The following THRB variants were observed in gnomAD, a reference collection of about 807,000 sequenced individuals.
The protein encoded by THRB is nuclear receptor subfamily 1 group A member 2.
In THRB, 12 loss-of-function variants were observed where a neutral mutation model predicts 47.8. The ratio of observed to expected loss-of-function variants is 0.25; its 90% confidence interval spans 0.16 to 0.41. The LOEUF (loss-of-function observed/expected upper bound fraction) is 0.41. Among genes scored for constraint, THRB ranks in the 10% least tolerant of loss-of-function variants. The probability of loss-of-function intolerance (pLI) is 1.00; values close to 1 mark genes in which losing one functional copy is unlikely to be tolerated. For synonymous variants in THRB, 218 were observed against 212.2 expected (o/e 1.03, Z -0.24); for missense variants, 348 against 589.2 (o/e 0.59, Z 4.24).
chr3:24,147,763 CCTT>C (rs2036294502), intron 6 of THRB, among the ~76,000 whole-genome samples: 1 of 152,308 alleles, frequency 6.6e-6, no homozygotes, highest in Non-Finnish European at 1.5e-5. Flanking sequence ...CATTCAATAT[CCTT>C]CTATCTTCCC....
At chr3:24,162,954 TA>T (rs369841587) in intron 5 of THRB, among the ~76,000 whole-genome samples, 28 of 152,298 alleles carry the variant, frequency 1.8e-4, no homozygotes, top group African/African-American at 5.8e-4. Context: ...TATAAAGCTG[TA>T]ATGACAGCCA....
At chr3:24,310,740 G>A (rs1404957057) in intron 2 of THRB, among the ~76,000 whole-genome samples, 1 of 152,070 alleles carries the variant, frequency 6.6e-6, no homozygotes, top group Non-Finnish European at 1.5e-5. Context: ...TTGGGTATGG[G>A]GTTTCTCTAT....
At chr3:24,334,091 T>C (rs2062089870) in intron 2 of THRB, among the ~76,000 whole-genome samples, 1 of 152,202 alleles carries the variant, frequency 6.6e-6, no homozygotes, top group Non-Finnish European at 1.5e-5. Flanking sequence ...ACCTGACTTT[T>C]AAAATATACA....
intron 5 of THRB, chr3:24,165,500 C>A: frequency 3.4e-6 from 2 of 589,288 alleles, no homozygotes; most frequent in South Asian, 4.3e-5. Flanking sequence ...TGAATAAACA[C>A]CACCACCAAC....
At chr3:24,383,137 G>C (rs1417818836) in intron 1 of THRB, among the ~76,000 whole-genome samples, 2 of 151,926 alleles carry the variant, frequency 1.3e-5, no homozygotes, top group African/African-American at 4.8e-5. Context: ...ATTTCCTTTT[G>C]CCAGACTATA....
chr3:24,300,799 A>C (rs1304690189), intron 2 of THRB, among the ~76,000 whole-genome samples: 1 of 152,206 alleles, frequency 6.6e-6, no homozygotes, highest in African/African-American at 2.4e-5. Flanking sequence ...ATGTCAATGA[A>C]AAAAGTTAAA....
intron 1 of THRB, among the ~76,000 whole-genome samples, chr3:24,431,261 T>TCTACACACACACAC (rs767685100): frequency 4.4e-5 from 6 of 135,794 alleles, no homozygotes; most frequent in African/African-American, 1.6e-4. Context: ...TCTCTCTCTC[T>TCTACACACACACAC]ACACACACAC....
Position 24,473,700 on chromosome 3 carries a change from T to G in THRB, c.-261+20952A>C, listed in dbSNP as rs1246877124. ...ACTTGGAACCAACCCAAATGCCCAT[T>G]AATGATAGATTGGATAAAGAAAATG... On this transcript the variant is annotated intron_variant, in intron 1 of 10. Transcript: ENST00000646209. Among the ~76,000 whole-genome samples, 3 of 151,522 alleles carry G rather than the reference T, an allele frequency of 2.0e-5. No individual in the cohort carries two copies. In the South Asian group the frequency reaches 6.2e-4, roughly 32 times the overall value.
intron 1 of THRB, among the ~76,000 whole-genome samples, chr3:24,422,168 T>C (rs769101363): frequency 6.6e-6 from 1 of 151,996 alleles, no homozygotes; most frequent in Non-Finnish European, 1.5e-5. Context: ...CTTGAGGAGC[T>C]TGGGAAAAAT....
chr3:24,399,907 A>G (rs2067263632), intron 1 of THRB, among the ~76,000 whole-genome samples: 1 of 152,118 alleles, frequency 6.6e-6, no homozygotes. Context: ...AAGGAGGGGA[A>G]GAAGGTAGGG....
intron 2 of THRB, among the ~76,000 whole-genome samples, chr3:24,299,763 A>G (rs2056769429): frequency 1.4e-5 from 1 of 73,350 alleles, no homozygotes; most frequent in South Asian, 4.7e-4. Flanking sequence ...CTGGGGAAGT[A>G]TGCTTTTTTA....
chr3:24,413,610 C>T (rs967802075), intron 1 of THRB, among the ~76,000 whole-genome samples: 1 of 151,306 alleles, frequency 6.6e-6, no homozygotes, highest in African/African-American at 2.4e-5. Context: ...GGTACGTGTA[C>T]ACAACGTGCA....
At position 24,428,782 on chromosome 3, in the gene THRB, TTTTGTAATTTTCATCAA is replaced by T. The variant is rs1434523687; in HGVS notation, c.-261+65853_-261+65869del. On this transcript the variant is annotated intron_variant, in intron 1 of 10. Transcript: ENST00000646209. ...GAGAAACAATGTCTCTCCTTGTTTC[TTTTGTAATTTTCATCAA>T]GAAGAATACTCTCCAAACTGCAAAA... 1.4e-4 allele frequency among the ~76,000 whole-genome samples: 21 copies of T among 152,086 alleles called. 1 individual carries two copies. In the South Asian group the frequency reaches 4.4e-3, roughly 32 times the overall value.
chr3:24,194,134 G>T (rs1330197344), intron 4 of THRB, among the ~76,000 whole-genome samples: 1 of 152,144 alleles, frequency 6.6e-6, no homozygotes, highest in Non-Finnish European at 1.5e-5. Context: ...AAGGGTCAGG[G>T]TGATGAGGGA....
At chr3:24,264,459 C>T (rs773519032) in intron 3 of THRB, among the ~76,000 whole-genome samples, 2 of 152,108 alleles carry the variant, frequency 1.3e-5, no homozygotes, top group African/African-American at 4.8e-5. Context: ...CAGCTTTACC[C>T]TGACACTTGG....
chr3:24,207,415 T>C (rs1314760225), intron 4 of THRB, among the ~76,000 whole-genome samples: 1 of 152,212 alleles, frequency 6.6e-6, no homozygotes, highest in African/African-American at 2.4e-5. Flanking sequence ...TCTCAATAGA[T>C]GCAGAAAAGG....
intron 2 of THRB, among the ~76,000 whole-genome samples, chr3:24,303,057 CTCATTTGG>C (rs2057067784): frequency 6.6e-6 from 1 of 152,164 alleles, no homozygotes; most frequent in Non-Finnish European, 1.5e-5. Flanking sequence ...GGTAATATTT[CTCATTTGG>C]TTGTATTCAT....
Position 24,369,535 on chromosome 3 carries a change from T to G in THRB, c.-260-32164A>C, listed in dbSNP as rs1910852. Among the ~76,000 whole-genome samples the G allele has an allele frequency of 7.5e-4, 114 of 151,762 alleles. 2 individuals are homozygous for G. Among genetic ancestry groups the G allele is most frequent in the Admixed American group, 6.4e-3 (97 of 15,250 alleles). On this transcript the variant is annotated intron_variant, in intron 1 of 10. Coordinates refer to ENST00000646209, the MANE Select transcript of THRB (RefSeq NM_001354712.2). ...AAAATAATATAAACAACTTAAATTG[T>G]AAGACGGCATACGATAGAAGTCTAT... is the stretch of plus-strand genomic sequence containing the variant.
At chr3:24,270,889 T>C (rs984078051) in intron 3 of THRB, among the ~76,000 whole-genome samples, 2 of 152,194 alleles carry the variant, frequency 1.3e-5, no homozygotes, top group African/African-American at 2.4e-5. Context: ...CACACAGAAA[T>C]GTTTAGGATT....
Sources: gnomAD v4.1 joint callset for allele counts (sites outside exome capture counted in the v4.1 genomes callset) on GRCh38, gnomAD v4.1.1 for gene constraint, MANE v1.5 for transcripts, NCBI Gene and HGNC (gene_info 2026-07-23, HGNC 2026-07-21) for gene names.